The following SCFD2 variants were observed in gnomAD, a reference collection of about 807,000 sequenced individuals.
The protein encoded by SCFD2 is sec1 family domain-containing protein 2.
A neutral mutation model predicts 58.9 loss-of-function variants in SCFD2; 54 were observed. That is an observed-to-expected ratio of 0.92 (90% CI 0.74 to 1.15). The LOEUF (loss-of-function observed/expected upper bound fraction) is 1.15. Ranked by LOEUF, SCFD2 falls within the 50% of genes most tolerant of loss-of-function variation. The pLI, the probability that SCFD2 is intolerant of heterozygous loss-of-function variation, is 0.00. For synonymous variants in SCFD2, 321 were observed against 335.9 expected, an observed-to-expected ratio of 0.96 and a Z score of 0.49; for missense variants, 805 against 836.6, an observed-to-expected ratio of 0.96 and a Z score of 0.47.
chr4:53,152,056 A>G (rs1315176451), intron 4 of SCFD2, among the ~76,000 whole-genome samples: 2 of 152,098 alleles, frequency 1.3e-5, no homozygotes, highest in Non-Finnish European at 2.9e-5. Flanking sequence ...ACCAGGCCCC[A>G]CCTCCAACAC....
At position 53,133,623 on chromosome 4, in the gene SCFD2, A is replaced by G. The variant is rs540786703; in HGVS notation, c.1561+11710T>C. 1.2e-4 allele frequency among the ~76,000 whole-genome samples: 18 copies of G among 152,314 alleles called. 1 individual carries two copies. Among genetic ancestry groups the G allele is most frequent in the Non-Finnish European group, 2.1e-4 (14 of 68,022 alleles). On this transcript the variant is annotated intron_variant, in intron 5 of 8. Transcript: ENST00000401642. ...AACATAAACAAATCATTGCAAATAG[A>G]TTTTTACTACTGGTTGTAGAATGTG...
At chr4:53,330,752 C>A (rs1437807739) in intron 2 of SCFD2, among the ~76,000 whole-genome samples, 3 of 151,996 alleles carry the variant, frequency 2.0e-5, no homozygotes, top group South Asian at 4.2e-4. Flanking sequence ...ACAATATTAA[C>A]CGTAAATGTA....
At chr4:53,220,699 G>T (rs1219212518) in intron 4 of SCFD2, among the ~76,000 whole-genome samples, 1 of 152,174 alleles carries the variant, frequency 6.6e-6, no homozygotes, top group African/African-American at 2.4e-5. Flanking sequence ...CAATATCCTT[G>T]AAGATTCAGA....
intron 5 of SCFD2, among the ~76,000 whole-genome samples, chr4:52,946,391 G>GT (rs1414661033): frequency 6.6e-5 from 10 of 151,910 alleles, no homozygotes; most frequent in African/African-American, 2.4e-4. Context: ...GAAATGGCAT[G>GT]TTTCAAAATT....
chr4:53,045,993 T>C (rs1196810759), intron 5 of SCFD2, among the ~76,000 whole-genome samples: 1 of 152,048 alleles, frequency 6.6e-6, no homozygotes, highest in Non-Finnish European at 1.5e-5. Flanking sequence ...ATCTTAAAGA[T>C]GGGGAAACTA....
chr4:53,091,246 A>G (rs1322148706), intron 5 of SCFD2, among the ~76,000 whole-genome samples: 1 of 152,070 alleles, frequency 6.6e-6, no homozygotes, highest in African/African-American at 2.4e-5. Context: ...TACAAAGTTA[A>G]AAGAGATGCA....
At chr4:53,062,844 T>A (rs10049624) in intron 5 of SCFD2, among the ~76,000 whole-genome samples, 2 of 152,148 alleles carry the variant, frequency 1.3e-5, no homozygotes, top group Middle Eastern at 3.2e-3. Context: ...TTAGACATTT[T>A]AAAAACTGGT....
rs78851438 is a variant in SCFD2 at position 52,886,037 on chromosome 4, A to T, written c.1843-171T>A. ...GGTGGGTCCCTGGTGAAACCTGATG[A>T]CAGTTTAAAACCTAGCTACAAGTCC... On this transcript the variant is annotated intron_variant, in intron 7 of 8. Transcript: ENST00000401642. Among the ~76,000 whole-genome samples the T allele has an allele frequency of 2.1e-3, 313 of 152,222 alleles. 1 individual carries two copies. The highest frequency in any genetic ancestry group is 7.4e-3 in the African/African-American group (307 of 41,542).
rs529484565 is a variant in SCFD2, at chr4:52,895,631, C to T, written c.1843-9765G>A. 1.2e-3 allele frequency among the ~76,000 whole-genome samples: 185 copies of T among 152,098 alleles called. 1 individual carries two copies. Among genetic ancestry groups the T allele is most frequent in the Non-Finnish European group, 2.3e-3 (154 of 68,014 alleles). ...ATTGTGAATAGTGCCGCAATAAACA[C>T]ACGTGTGCATGTGTCTTTATAGCAG... On this transcript the variant is annotated intron_variant, in intron 7 of 8. Coordinates refer to ENST00000401642, the MANE Select transcript of SCFD2 (RefSeq NM_152540.4).
At chr4:52,989,406 T>G (rs1285603760) in intron 5 of SCFD2, among the ~76,000 whole-genome samples, 1 of 152,248 alleles carries the variant, frequency 6.6e-6, no homozygotes, top group African/African-American at 2.4e-5. Flanking sequence ...TTTGTCTCTA[T>G]TCATACTATA....
intron 5 of SCFD2, among the ~76,000 whole-genome samples, chr4:53,018,788 G>A (rs1232038289): frequency 6.6e-6 from 1 of 152,192 alleles, no homozygotes; most frequent in East Asian, 1.9e-4. Context: ...ACAAGACAGT[G>A]CATGTGTTCA....
intron 3 of SCFD2, among the ~76,000 whole-genome samples, chr4:53,283,421 C>T (rs1731566153): frequency 6.6e-6 from 1 of 152,152 alleles, no homozygotes; most frequent in Non-Finnish European, 1.5e-5. Context: ...TATGAACATT[C>T]TAAGACATGC....
chr4:52,954,230 G>C (rs1720661637), intron 5 of SCFD2, among the ~76,000 whole-genome samples: 1 of 152,184 alleles, frequency 6.6e-6, no homozygotes. Flanking sequence ...CAAGTCTTTG[G>C]TCTCTCACCT....
chr4:53,000,716 C>G (rs915488327), intron 5 of SCFD2, among the ~76,000 whole-genome samples: 1 of 152,200 alleles, frequency 6.6e-6, no homozygotes, highest in African/African-American at 2.4e-5. Context: ...TAGATTTGTA[C>G]CAGCAGAGAG....
chr4:53,290,226 G>T (rs1731795151), intron 3 of SCFD2, among the ~76,000 whole-genome samples: 1 of 152,072 alleles, frequency 6.6e-6, no homozygotes, highest in Admixed American at 6.5e-5. Flanking sequence ...TGAGGCCACA[G>T]TATAGGTCTT....
rs1277158930 is a variant in SCFD2, at chr4:52,920,865, C to T, written c.1567G>A (p.Asp523Asn). 6.3e-7 allele frequency: 1 copy of T among 1,596,056 alleles called. No individual in the cohort carries two copies. Among genetic ancestry groups the T allele is most frequent in the African/African-American group, 1.4e-5 (1 of 73,640 alleles). ...SPLLQKITDW[D>N]SSINLTFHKS... is the part of the protein sequence containing the mutation. ...TGAAATGTCAGATTAATTGAAGAGT[C>T]CCAGTCTGAAAAAATCCAGAGATAT... Residue 523 changes from aspartate to asparagine, a missense_variant, in exon 6 of 9, where the codon GAC becomes AAC. Around this residue, in one of 3 missense-constraint regions of SCFD2, gnomAD observed 633 missense variants for 646.8 expected, o/e 0.98. Transcript: ENST00000401642.
intron 4 of SCFD2, among the ~76,000 whole-genome samples, chr4:53,178,749 G>A (rs1053873699): frequency 5.9e-5 from 9 of 151,942 alleles, no homozygotes; most frequent in Non-Finnish European, 7.4e-5. Context: ...TAAAAACTTT[G>A]AAAAAAAATT....
At chr4:52,986,070 T>C (rs1407966573) in intron 5 of SCFD2, among the ~76,000 whole-genome samples, 1 of 152,124 alleles carries the variant, frequency 6.6e-6, no homozygotes, top group African/African-American at 2.4e-5. Context: ...GCAGATCTCA[T>C]GTTAACCGGC....
intron 5 of SCFD2, among the ~76,000 whole-genome samples, chr4:53,107,585 C>A (rs530388428): frequency 6.6e-6 from 1 of 151,838 alleles, no homozygotes. Flanking sequence ...TCCTAGTCCC[C>A]GATTAAACAG....
Sources: allele counts gnomAD v4.1 joint callset (sites outside exome capture counted in the v4.1 genomes callset), GRCh38; gene constraint gnomAD v4.1.1; regional missense constraint gnomAD v4.1.1; transcripts MANE v1.5; gene names NCBI Gene and HGNC (gene_info 2026-07-23, HGNC 2026-07-21).